Variants in PNISR observed in about 807,000 individuals in gnomAD.
The protein encoded by PNISR is PNN interacting serine and arginine rich protein, also known as arginine/serine-rich protein PNISR.
In PNISR, 20 loss-of-function variants were observed where a neutral mutation model predicts 93.4. The observed-to-expected ratio is 0.21, with a 90% CI of 0.15 to 0.31. PNISR has a LOEUF of 0.31. Ranked by LOEUF, PNISR falls within the 10% of genes least tolerant of loss-of-function variation. PNISR has a pLI of 1.00. For synonymous variants in PNISR, 305 were observed against 306.5 expected (o/e 0.99, Z 0.05); for missense variants, 893 against 985.4 (o/e 0.91, Z 1.25).
chr6:99,400,981 C>A lies in PNISR; in HGVS notation c.1977G>T (p.Glu659Asp). ...CCTTTTTCCTCTCTTGTTCTTTAGC[C>A]TCACCTTTATGCTTATGACTGTTCC... ...LSGNSHKHKG[E>D]AKEQERKKER... is the part of the protein sequence containing the mutation. Residue 659 changes from glutamate to aspartate, a missense_variant, in exon 12 of 12, where the codon GAG becomes GAT. This residue lies in a region of PNISR where 866 missense variants were observed against 935.1 expected (regional missense o/e 0.93). Coordinates refer to ENST00000369239, the MANE Select transcript of PNISR (RefSeq NM_032870.4). The A allele has an allele frequency of 6.2e-7, 1 of 1,611,884 alleles. No individual in the cohort carries two copies. The highest frequency in any genetic ancestry group is 8.5e-7 in the Non-Finnish European group (1 of 1,178,354).
intron 5 of PNISR, 118 bp from the exon 6 acceptor site, chr6:99,409,462 C>T: frequency 1.2e-6 from 1 of 829,214 alleles, no homozygotes; most frequent in African/African-American, 1.7e-5. Flanking sequence ...CCAAGAATTC[C>T]ATGGCTCTAA....
rs190837913 is a variant in PNISR, at chr6:99,413,976, A to C, written c.88+596T>G. 2.6e-5 allele frequency among the ~76,000 whole-genome samples: 4 copies of C among 152,342 alleles called. No individual in the cohort carries two copies. The East Asian group carries it at 7.7e-4, about 29-fold the overall frequency. ...AACTTTAAATAACAAAACACCCAAA[A>C]GTGGCTTTGTTAAATTATGGTACAA... is the stretch of plus-strand genomic sequence containing the variant. On this transcript the variant is annotated intron_variant, in intron 3 of 11. Coordinates refer to ENST00000369239, the MANE Select transcript of PNISR (RefSeq NM_032870.4).
intron 11 of PNISR, 64 bp downstream of exon 11, chr6:99,402,476 T>A (rs913840315): frequency 2.5e-6 from 2 of 791,504 alleles, no homozygotes; most frequent in Non-Finnish European, 3.8e-6. Context: ...TATTTTTAGG[T>A]TAGTTAAAAA....
chr6:99,415,715 A>G (rs1777595122), intron 2 of PNISR: 2 of 152,202 alleles, frequency 1.3e-5, no homozygotes, highest in Non-Finnish European at 2.9e-5. Flanking sequence ...TGTTTACTAA[A>G]TGAATCCTTC....
At chr6:99,422,968 G>A (rs1028772636) in intron 1 of PNISR, among the ~76,000 whole-genome samples, 16 of 150,408 alleles carry the variant, frequency 1.1e-4, no homozygotes, top group African/African-American at 2.9e-4. Flanking sequence ...TAGCGAGAGC[G>A]CCCAAAATGA....
At chr6:99,422,875 T>A (rs1388096489) in intron 1 of PNISR, among the ~76,000 whole-genome samples, 4 of 12,168 alleles carry the variant, frequency 3.3e-4, no homozygotes, top group African/African-American at 7.5e-4. Flanking sequence ...ACACTCTGTC[T>A]CAAAAAAAAA....
chr6:99,406,736 A>C (rs1047416166), intron 7 of PNISR, among the ~76,000 whole-genome samples: 5 of 152,192 alleles, frequency 3.3e-5, no homozygotes, highest in Non-Finnish European at 7.3e-5. Context: ...GATTAAACAA[A>C]TGCCAGCAGT....
rs539352669 is a variant in PNISR at position 99,408,634 on chromosome 6, C to T, written c.674-363G>A. 2.0e-5 allele frequency among the ~76,000 whole-genome samples: 3 copies of T among 152,304 alleles called. No individual in the cohort carries two copies. The South Asian group carries it at 6.2e-4, about 32-fold the overall frequency. ...AAGTAAAGATTTATTAACAAATGCT[C>T]CTGTCCATTAAATACTGAACAATTT... On this transcript the variant is annotated intron_variant, in intron 6 of 11. Transcript: ENST00000369239.
At chr6:99,424,963 G>A in intron 1 of PNISR, 1 of 338,416 alleles carries the variant, frequency 3.0e-6, no homozygotes, top group Non-Finnish European at 5.3e-6. Context: ...GTCCCTTCTC[G>A]TCCGAGAGGA....
chr6:99,410,796 A>G lies in PNISR; in HGVS notation c.446T>C (p.Phe149Ser). ...TGCAAAATTATCGGGTGGTCCACCA[A>G]AGTTGTGATTGTTCTGGTTAAATAT... is the stretch of plus-strand genomic sequence containing the variant. ...RHIFNQNNHN[F>S]GGPPDNFAVG... Residue 149 changes from phenylalanine to serine, a missense_variant, in exon 5 of 12, where the codon TTT (phenylalanine) becomes TCT (serine). This residue lies in a region of PNISR where 866 missense variants were observed against 935.1 expected (regional missense o/e 0.93). Transcript: ENST00000369239. 4 of 1,614,124 alleles carry G rather than the reference A, an allele frequency of 2.5e-6. No homozygotes were observed. The highest frequency in any genetic ancestry group is 1.1e-5 in the South Asian group (1 of 91,078).
chr6:99,401,552 A>C lies in PNISR; in HGVS notation c.1406T>G (p.Leu469Arg), dbSNP rs777737745. The change falls in exon 12 of 12, where the codon CTA (leucine) becomes CGA (arginine). Residue 469 changes from leucine to arginine, a missense_variant. Physicochemically the swap from Leu to Arg is moderately radical, Grantham distance 102 (BLOSUM62 -2). This residue lies in a region of PNISR where 866 missense variants were observed against 935.1 expected (regional missense o/e 0.93). Transcript: ENST00000369239. ...ATCACCGTCTGCTTCTCTTGCTTCT[A>C]GTAGTGATAAACTATTTTGCTCTTT... ...IHKEQNSLSL[L>R]EAREADGDVV... The C allele has an allele frequency of 6.9e-6, 11 of 1,604,896 alleles. No homozygotes were observed. Among genetic ancestry groups the C allele is most frequent in the Non-Finnish European group, 8.5e-6 (10 of 1,177,836 alleles).
In PNISR at chr6:99,399,533, G is replaced by T. The variant is rs141488892; in HGVS notation, c.*1007C>A. Reference sequence around the variant, plus strand: ...CAAAATGCTTCTAAAACAGAAGTGGGTGACTGTAGAATATAGTTCCAGACT... The same window carrying T: ...CAAAATGCTTCTAAAACAGAAGTGGTTGACTGTAGAATATAGTTCCAGACT... On this transcript the variant is annotated 3_prime_UTR_variant, in exon 12 of 12. Transcript: ENST00000369239. 5 of 152,170 alleles carry T rather than the reference G, an allele frequency of 3.3e-5. No homozygotes were observed. Among genetic ancestry groups the T allele is most frequent in the African/African-American group, 7.2e-5 (3 of 41,522 alleles). 9.4% of individuals were successfully genotyped at this position (152,170 alleles called of 1,614,324 possible). A position where few individuals can be genotyped will look rare whatever the true frequency, so the allele number is the denominator to read the frequency against.
At position 99,412,746 on chromosome 6, in the gene PNISR, T is replaced by G. The variant is rs1462498789; in HGVS notation, c.89-7A>C. ...GCAGCCCAATCAATCTGGCCTAACG[T>G]AAATTAACACTGACTTCAGCATTCA... On this transcript the variant is annotated splice_region_variant and splice_polypyrimidine_tract_variant and intron_variant, in intron 3 of 11. Transcript: ENST00000369239. 6.5e-7 allele frequency: 1 copy of G among 1,543,200 alleles called. No individual in the cohort carries two copies.
At chr6:99,403,787 T>C (rs972585872) in intron 10 of PNISR, 42 bp downstream of exon 10, 2 of 1,459,200 alleles carry the variant, frequency 1.4e-6, no homozygotes, top group Non-Finnish European at 1.9e-6. Context: ...GTATGTGTGA[T>C]TTTTCCCTTT....
chr6:99,409,289 G>A lies in PNISR; in HGVS notation c.557C>T (p.Pro186Leu). The change falls in exon 6 of 12, where the codon CCA (proline) becomes CTA (leucine). Residue 186 changes from proline to leucine, a missense_variant. This residue lies in a region of PNISR where 866 missense variants were observed against 935.1 expected (regional missense o/e 0.93). Coordinates refer to ENST00000369239, the MANE Select transcript of PNISR (RefSeq NM_032870.4). ...QGGFHPPYWQ[P>L]GPPGPPAPPQ... ...AGGTGCTGGAGGTCCTGGAGGTCCT[G>A]GTTGCCAATAAGGAGGATGAAATCC... 6.2e-7 allele frequency: 1 copy of A among 1,613,910 alleles called. No homozygotes were observed. The highest frequency in any genetic ancestry group is 8.5e-7 in the Non-Finnish European group (1 of 1,179,936).
rs1776366965 is a variant in PNISR at position 99,407,971 on chromosome 6, C to A, written c.864+110G>T. ...CCTCAATATACTTAATGAACGTAAT[C>A]TTAGGAACATCACTCTAATACTTTC... On this transcript the variant is annotated intron_variant, in intron 7 of 11. Coordinates refer to ENST00000369239, the MANE Select transcript of PNISR (RefSeq NM_032870.4). 2.3e-5 allele frequency: 17 copies of A among 742,022 alleles called. No individual in the cohort carries two copies. The South Asian group carries it at 3.3e-4, about 14-fold the overall frequency. 46.0% of individuals were successfully genotyped at this position (742,022 alleles called of 1,614,324 possible).
rs780068876 is a variant in PNISR at position 99,402,720 on chromosome 6, T to A, written c.1157-10A>T. ...TAACCACCCAGTCCACCTGTGTGCA[T>A]AAAGCTCAGTCTATCATATGAAAAA... is the stretch of plus-strand genomic sequence containing the variant. On this transcript the variant is annotated splice_polypyrimidine_tract_variant and intron_variant, in intron 10 of 11. Coordinates refer to ENST00000369239, the MANE Select transcript of PNISR (RefSeq NM_032870.4). 6.5e-7 allele frequency: 1 copy of A among 1,547,170 alleles called. No individual in the cohort carries two copies.
chr6:99,417,439 CGTTAGTG>C (rs1323720672), intron 1 of PNISR, among the ~76,000 whole-genome samples: 1 of 152,156 alleles, frequency 6.6e-6, no homozygotes, highest in African/African-American at 2.4e-5. Context: ...TACATCCGTT[CGTTAGTG>C]GTGTGAACAT....
chr6:99,419,191 G>T (rs7747882), intron 1 of PNISR, among the ~76,000 whole-genome samples: 1 of 56,104 alleles, frequency 1.8e-5, no homozygotes, highest in African/African-American at 5.8e-5. Flanking sequence ...AAAAAAAAAA[G>T]GGCAATTTAC....
Sources: gnomAD v4.1 joint callset for allele counts (sites outside exome capture counted in the v4.1 genomes callset) on GRCh38, gnomAD v4.1.1 for gene constraint, gnomAD v4.1.1 regional missense constraint, MANE v1.5 for transcripts, NCBI Gene and HGNC (gene_info 2026-07-23, HGNC 2026-07-21) for gene names.